Variants in MYL9 observed in about 807,000 individuals in gnomAD.
MYL9 encodes myosin light chain 9.
In MYL9, 7 loss-of-function variants were observed where a neutral mutation model predicts 12.8. The observed-to-expected ratio is 0.55, with a 90% CI of 0.31 to 1.03. The LOEUF (loss-of-function observed/expected upper bound fraction) is 1.03, where lower values mean the gene tolerates loss of function less well. MYL9 is among the 50% of genes least tolerant of loss of function. The pLI is 0.05. For missense variants in MYL9, 190 were observed against 242.7 expected, an observed-to-expected ratio of 0.78 and a Z score of 1.44; for synonymous variants, 81 against 87.8, an observed-to-expected ratio of 0.92 and a Z score of 0.43.
chr20:36,545,648 T>C (rs1161091144), intron 2 of MYL9, among the ~76,000 whole-genome samples: 3 of 147,814 alleles, frequency 2.0e-5, no homozygotes, highest in Admixed American at 2.0e-4. Flanking sequence ...AGGGGTCAGC[T>C]GGCCAGGCGC....
intron 2 of MYL9, among the ~76,000 whole-genome samples, chr20:36,547,178 C>T (rs1223909211): frequency 6.6e-6 from 1 of 152,194 alleles, no homozygotes; most frequent in Non-Finnish European, 1.5e-5. Flanking sequence ...GTGTTTGTAG[C>T]TCATATCCGT....
In MYL9 at chr20:36,549,585, G is replaced by GC. The variant is rs1354477669; in HGVS notation, c.*342dup. ...AGGAGGAAGGGAAGGGGCTCTGTGT[G>GC]CCCCCCAGGAGGAAGAGGCCCTGAG... On this transcript the variant is annotated 3_prime_UTR_variant, in exon 4 of 4. Coordinates refer to ENST00000279022, the MANE Select transcript of MYL9 (RefSeq NM_006097.5). The GC allele has an allele frequency of 1.7e-5, 4 of 235,896 alleles. No homozygotes were observed. The highest frequency in any genetic ancestry group is 3.4e-5 in the Non-Finnish European group (4 of 119,252). The allele number at this position is 235,896 out of a possible 1,614,324, so 14.6% of individuals were successfully genotyped here. A position where few individuals can be genotyped will look rare whatever the true frequency, so the allele number is the denominator to read the frequency against.
At position 36,550,520 on chromosome 20, in the gene MYL9, C is replaced by A. The variant is rs1191952657; in HGVS notation, c.*1271C>A. 1 of 152,550 alleles carries A rather than the reference C, an allele frequency of 6.6e-6. No homozygotes were observed. The highest frequency in any genetic ancestry group is 1.5e-5 in the Non-Finnish European group (1 of 68,398). 9.4% of individuals were successfully genotyped at this position (152,550 alleles called of 1,614,324 possible). ...GGCCTAGGGAAGAGTGAGGGCCGGA[C>A]CCACCCCACCTGACCCCAGCGAGTG... is the stretch of plus-strand genomic sequence containing the variant. On this transcript the variant is annotated 3_prime_UTR_variant, in exon 4 of 4. Transcript: ENST00000279022.
chr20:36,544,213 C>G (rs2038068110), intron 1 of MYL9, among the ~76,000 whole-genome samples: 1 of 152,170 alleles, frequency 6.6e-6, no homozygotes, highest in African/African-American at 2.4e-5. Context: ...TCTGTGACCA[C>G]TCACCACTGG....
In MYL9 at chr20:36,548,149, A is replaced by G. The variant is rs555927596; in HGVS notation, c.302A>G (p.Asp101Gly). 6.2e-7 allele frequency: 1 copy of G among 1,613,852 alleles called. No individual in the cohort carries two copies. Among genetic ancestry groups the G allele is most frequent in the African/African-American group, 1.3e-5 (1 of 75,024 alleles). The change falls in exon 3 of 4, where the codon GAT becomes GGT. Residue 101 changes from aspartate (D) to glycine (G), a missense_variant. Asp to Gly is a moderately conservative substitution (Grantham distance 94, BLOSUM62 -1). Coordinates refer to ENST00000279022, the MANE Select transcript of MYL9 (RefSeq NM_006097.5). ...GEKLNGTDPE[D>G]VIRNAFACFD... is the part of the protein sequence containing the mutation. ...AAGCTGAACGGCACGGACCCCGAGG[A>G]TGTGATTCGCAACGCCTTTGCCTGC...
chr20:36,544,086 G>A (rs1028083301), intron 1 of MYL9, among the ~76,000 whole-genome samples: 3 of 152,162 alleles, frequency 2.0e-5, no homozygotes, highest in South Asian at 2.1e-4. Flanking sequence ...GAGGCCGGCT[G>A]GAGGCTAAGA....
intron 1 of MYL9, among the ~76,000 whole-genome samples, chr20:36,544,014 C>T (rs1056391827): frequency 3.3e-5 from 5 of 152,058 alleles, no homozygotes; most frequent in Admixed American, 1.3e-4. Flanking sequence ...CTCTGAGGGG[C>T]GGCAGGAACC....
chr20:36,541,853 T>C (rs2038040258), intron 1 of MYL9, among the ~76,000 whole-genome samples: 1 of 152,000 alleles, frequency 6.6e-6, no homozygotes, highest in Non-Finnish European at 1.5e-5. Context: ...GCCCCTTTGC[T>C]GAGGAGCTGG....
intron 3 of MYL9, 144 bp downstream of exon 3, chr20:36,548,337 A>T (rs1233792900): frequency 1.7e-6 from 2 of 1,157,564 alleles, no homozygotes; most frequent in Admixed American, 6.2e-5. Context: ...CCACCTCCTT[A>T]TTGTCGCCGC....
intron 1 of MYL9, among the ~76,000 whole-genome samples, chr20:36,544,061 C>A (rs2038066571): frequency 1.3e-5 from 2 of 151,756 alleles, no homozygotes; most frequent in South Asian, 4.2e-4. Flanking sequence ...AGGTCAGGGT[C>A]TGTATGGGAC....
intron 2 of MYL9, among the ~76,000 whole-genome samples, chr20:36,547,298 T>C (rs1012452835): frequency 6.6e-6 from 1 of 152,232 alleles, no homozygotes. Context: ...AGCAATCCTA[T>C]TGAACAGATA....
chr20:36,549,012 G>C, intron 3 of MYL9, 65 bp from the exon 4 acceptor site: 1 of 1,503,586 alleles, frequency 6.7e-7, no homozygotes, highest in Non-Finnish European at 9.1e-7. Flanking sequence ...GGGGCTGAGG[G>C]ATGGGGCTGC....
intron 2 of MYL9, among the ~76,000 whole-genome samples, chr20:36,546,083 A>G (rs938029599): frequency 6.6e-6 from 1 of 152,200 alleles, no homozygotes; most frequent in African/African-American, 2.4e-5. Flanking sequence ...CTCTGGTCCC[A>G]GTGACTTCCT....
chr20:36,544,242 T>C (rs575997361), intron 1 of MYL9, among the ~76,000 whole-genome samples: 3 of 152,264 alleles, frequency 2.0e-5, no homozygotes, highest in Admixed American at 2.0e-4. Flanking sequence ...TCAAGCTCCC[T>C]GAGGTGGACA....
rs945136696 is a variant in MYL9 at position 36,549,113 on chromosome 20, C to T, written c.383C>T (p.Thr128Ile). Residue 128 changes from threonine to isoleucine, a missense_variant, in exon 4 of 4, where the codon ACC becomes ATC. By Grantham distance (89) the Thr-to-Ile change is moderately conservative (BLOSUM62 -1). Coordinates refer to ENST00000279022, the MANE Select transcript of MYL9 (RefSeq NM_006097.5). ...GAGGACCACCTCCGGGAGCTGCTCA[C>T]CACCATGGGTGACCGCTTCACAGAT... The part of the protein sequence containing the change: ...IHEDHLRELL[T>I]TMGDRFTDEE... The T allele has an allele frequency of 1.9e-6, 3 of 1,613,594 alleles. No homozygotes were observed. The highest frequency in any genetic ancestry group is 2.5e-6 in the Non-Finnish European group (3 of 1,179,978).
rs1416969500 is a variant in MYL9 at position 36,543,798 on chromosome 20, A to G, written c.-26-1061A>G. ...GGTACAGGGAACAGCTCCCTAGGAG[A>G]GGGGGGCGGTCTCAAGAACTGGGCT... On this transcript the variant is annotated intron_variant, in intron 1 of 3. Coordinates refer to ENST00000279022, the MANE Select transcript of MYL9 (RefSeq NM_006097.5). 2.0e-5 allele frequency among the ~76,000 whole-genome samples: 3 copies of G among 152,106 alleles called. No homozygotes were observed. The East Asian group carries it at 5.8e-4, about 29-fold the overall frequency.
rs576302328 is a variant in MYL9, at chr20:36,548,819, G to A, written c.347-258G>A. Among the ~76,000 whole-genome samples, 50 of 152,214 alleles carry A rather than the reference G, an allele frequency of 3.3e-4. 2 individuals carry two copies. In the South Asian group the frequency reaches 1.0e-2, roughly 30 times the overall value. ...GTGCACAGCCTCAAGTTCCCCAAGT[G>A]ACACCTCGGAGACAGTCCCACTGCA... On this transcript the variant is annotated intron_variant, in intron 3 of 3. Transcript: ENST00000279022.
chr20:36,548,371 T>C (rs889713428), intron 3 of MYL9, among the ~76,000 whole-genome samples, 178 bp downstream of exon 3: 3 of 152,192 alleles, frequency 2.0e-5, no homozygotes, highest in Non-Finnish European at 4.4e-5. Flanking sequence ...GAACAGCCCA[T>C]GCCCCAAGAC....
chr20:36,544,173 G>A (rs1329202666), intron 1 of MYL9, among the ~76,000 whole-genome samples: 1 of 152,194 alleles, frequency 6.6e-6, no homozygotes, highest in Non-Finnish European at 1.5e-5. Flanking sequence ...GCAGTGGGGA[G>A]TGAGAACAAG....
Sources: gnomAD v4.1 joint callset for allele counts (sites outside exome capture counted in the v4.1 genomes callset) on GRCh38, gnomAD v4.1.1 for gene constraint, MANE v1.5 for transcripts, NCBI Gene and HGNC (gene_info 2026-07-23, HGNC 2026-07-21) for gene names.